The following TRIM42 variants were observed in gnomAD, a reference collection of about 807,000 sequenced individuals.
TRIM42 encodes tripartite motif containing 42, also known as tripartite motif-containing protein 42.
In TRIM42, 59 loss-of-function variants were observed where a neutral mutation model predicts 64.9. The observed-to-expected ratio is 0.91, with a 90% CI of 0.74 to 1.13. TRIM42 has a LOEUF of 1.13. Ranked by LOEUF, TRIM42 falls within the 50% of genes most tolerant of loss-of-function variation. The probability of loss-of-function intolerance (pLI) is 0.00; values close to 1 mark genes in which losing one functional copy is unlikely to be tolerated. For missense variants in TRIM42, 878 were observed against 929.5 expected, an observed-to-expected ratio of 0.94 and a Z score of 0.72; for synonymous variants, 354 against 346.3, an observed-to-expected ratio of 1.02 and a Z score of -0.25.
rs533384109 is a variant in TRIM42 at position 140,686,258 on chromosome 3, T to A, written c.1040-1464T>A. Among the ~76,000 whole-genome samples, 8 of 152,300 alleles carry A rather than the reference T, an allele frequency of 5.3e-5. No homozygotes were observed. In the East Asian group the frequency reaches 1.5e-3, roughly 29 times the overall value. Reference sequence around the variant, plus strand: ...CAAAGTAGAATTCTGGCTGCCACAGTCACAGTGCATTGGGGAAGGCAAGAA... The same window carrying A: ...CAAAGTAGAATTCTGGCTGCCACAGACACAGTGCATTGGGGAAGGCAAGAA... On this transcript the variant is annotated intron_variant, in intron 2 of 4. Transcript: ENST00000286349.
At chr3:140,680,237 C>T (rs139822499) in intron 1 of TRIM42, among the ~76,000 whole-genome samples, 9 of 152,132 alleles carry the variant, frequency 5.9e-5, no homozygotes, top group African/African-American at 9.6e-5. Flanking sequence ...GTTAGGAGGT[C>T]GGCTCTGGGT....
chr3:140,700,885 C>T lies in TRIM42; in HGVS notation c.2086-3C>T. The T allele has an allele frequency of 6.2e-7, 1 of 1,613,902 alleles. No individual in the cohort carries two copies. The highest frequency in any genetic ancestry group is 1.1e-5 in the South Asian group (1 of 91,062). On this transcript the variant is annotated splice_polypyrimidine_tract_variant and splice_region_variant and intron_variant, in intron 4 of 4. Transcript: ENST00000286349. ...TGTCATGACTCTTCGCTTCTGATTG[C>T]AGGTGGTAACACCAGATGGACATGG... is the stretch of plus-strand genomic sequence containing the variant.
At chr3:140,685,589 C>T (rs954617156) in intron 2 of TRIM42, among the ~76,000 whole-genome samples, 1 of 152,194 alleles carries the variant, frequency 6.6e-6, no homozygotes, top group African/African-American at 2.4e-5. Flanking sequence ...TCACTGAAAA[C>T]TGCCTCACCT....
intron 4 of TRIM42, 47 bp downstream of exon 4, chr3:140,691,239 G>A: frequency 6.6e-7 from 1 of 1,504,182 alleles, no homozygotes. Context: ...TCTATGGTAG[G>A]TTCTGGATGA....
At chr3:140,695,448 T>C (rs1437576776) in intron 4 of TRIM42, among the ~76,000 whole-genome samples, 1 of 152,072 alleles carries the variant, frequency 6.6e-6, no homozygotes, top group Non-Finnish European at 1.5e-5. Flanking sequence ...TAGTTACAAA[T>C]TGGTAATTTT....
chr3:140,682,485 G>A lies in TRIM42; in HGVS notation c.365G>A (p.Gly122Glu). The A allele has an allele frequency of 3.7e-6, 6 of 1,613,956 alleles. No individual in the cohort carries two copies. The highest frequency in any genetic ancestry group is 4.2e-6 in the Non-Finnish European group (5 of 1,179,916). Reference sequence around the variant, plus strand: ...AGCTCCAAGACTGCCCTGCGCACTGGGAGCAGCGATACCCAGGTGGATGAA... The same window carrying A: ...AGCTCCAAGACTGCCCTGCGCACTGAGAGCAGCGATACCCAGGTGGATGAA... ...HTSSKTALRT[G>E]SSDTQVDEVK... Residue 122 changes from glycine to glutamate, a missense_variant, in exon 2 of 5, where the codon GGG becomes GAG. Coordinates refer to ENST00000286349, the MANE Select transcript of TRIM42 (RefSeq NM_152616.5).
At chr3:140,698,112 A>G (rs903400815) in intron 4 of TRIM42, among the ~76,000 whole-genome samples, 2 of 152,160 alleles carry the variant, frequency 1.3e-5, no homozygotes, top group African/African-American at 4.8e-5. Context: ...TTTGAACCTC[A>G]GCTTTCTGCC....
chr3:140,701,026 C>T lies in TRIM42; in HGVS notation c.*52C>T, dbSNP rs774563732. The T allele has an allele frequency of 3.4e-6, 5 of 1,466,104 alleles. No individual in the cohort carries two copies. The highest frequency in any genetic ancestry group is 2.3e-5 in the East Asian group (1 of 43,840). 90.8% of individuals were successfully genotyped at this position (1,466,104 alleles called of 1,614,324 possible). A position where few individuals can be genotyped will look rare whatever the true frequency, so the allele number is the denominator to read the frequency against. ...AGACTCATCACAAAGTAGACATATA[C>T]ACACACATATATGTATGTATATTTT... On this transcript the variant is annotated 3_prime_UTR_variant, in exon 5 of 5. Transcript: ENST00000286349.
rs535746434 is a variant in TRIM42 at position 140,690,841 on chromosome 3, C to G, written c.1861-127C>G. 1.3e-5 allele frequency: 9 copies of G among 689,604 alleles called. No homozygotes were observed. In the African/African-American group the frequency reaches 1.6e-4, roughly 12 times the overall value. 42.7% of individuals were successfully genotyped at this position (689,604 alleles called of 1,614,324 possible). A position where few individuals can be genotyped will look rare whatever the true frequency, so the allele number is the denominator to read the frequency against. On this transcript the variant is annotated intron_variant, in intron 3 of 4. Transcript: ENST00000286349. ...TGTGCATGGTCTAATTAAAAGTCTT[C>G]GGTAGCTACAGGGGATGGGGTCAGC... is the stretch of plus-strand genomic sequence containing the variant.
intron 2 of TRIM42, among the ~76,000 whole-genome samples, chr3:140,685,791 T>C (rs1345943394): frequency 6.6e-6 from 1 of 152,156 alleles, no homozygotes; most frequent in Non-Finnish European, 1.5e-5. Context: ...GTTTCTCCCA[T>C]TTACCTGATG....
intron 3 of TRIM42, among the ~76,000 whole-genome samples, chr3:140,690,446 T>A (rs1483776773): frequency 6.7e-6 from 1 of 149,820 alleles, no homozygotes; most frequent in Non-Finnish European, 1.5e-5. Flanking sequence ...AAGATGGTAG[T>A]TTACTGAATT....
chr3:140,700,614 G>C (rs997828834), intron 4 of TRIM42, among the ~76,000 whole-genome samples: 4 of 152,202 alleles, frequency 2.6e-5, no homozygotes, highest in Admixed American at 6.5e-5. Flanking sequence ...CCCCATCACT[G>C]TCATCAGCAC....
chr3:140,692,321 A>G (rs1413062624), intron 4 of TRIM42, among the ~76,000 whole-genome samples: 2 of 152,158 alleles, frequency 1.3e-5, no homozygotes, highest in South Asian at 2.1e-4. Context: ...CATCTGACCA[A>G]CCATACTCTG....
intron 1 of TRIM42, among the ~76,000 whole-genome samples, chr3:140,679,252 T>C (rs977433508): frequency 6.6e-6 from 1 of 152,190 alleles, no homozygotes; most frequent in Admixed American, 6.5e-5. Context: ...GAACTCCTAC[T>C]ACCTTCTTTT....
chr3:140,699,093 G>T (rs1988929885), intron 4 of TRIM42, among the ~76,000 whole-genome samples: 1 of 152,048 alleles, frequency 6.6e-6, no homozygotes, highest in Non-Finnish European at 1.5e-5. Flanking sequence ...GTAATTACAT[G>T]ATTTTTCTCC....
chr3:140,691,502 T>C (rs181356013), intron 4 of TRIM42, among the ~76,000 whole-genome samples: 10 of 152,292 alleles, frequency 6.6e-5, no homozygotes, highest in Admixed American at 6.5e-4. Flanking sequence ...CAAATAATTG[T>C]TGTGTGAGAA....
In TRIM42 at chr3:140,683,057, T is replaced by C. The variant is rs1988455455; in HGVS notation, c.937T>C (p.Cys313Arg). Residue 313 changes from cysteine (C) to arginine (R), a missense_variant, in exon 2 of 5, where the codon TGC (cysteine) becomes CGC (arginine). Coordinates refer to ENST00000286349, the MANE Select transcript of TRIM42 (RefSeq NM_152616.5). ...TGACAACAAATTGCTCTGCACCTTC[T>C]GCAAGTTCTCTTTCCACAATGGCCA... ...RNDNKLLCTF[C>R]KFSFHNGHDT... is the part of the protein sequence containing the mutation. 1 of 1,614,250 alleles carries C rather than the reference T, an allele frequency of 6.2e-7. No individual in the cohort carries two copies. Among genetic ancestry groups the C allele is most frequent in the African/African-American group, 1.3e-5 (1 of 75,056 alleles).
At chr3:140,679,608 A>G (rs1399688000) in intron 1 of TRIM42, among the ~76,000 whole-genome samples, 1 of 152,166 alleles carries the variant, frequency 6.6e-6, no homozygotes, top group South Asian at 2.1e-4. Context: ...CTCTCCACCC[A>G]TGACCCTCTC....
Position 140,688,559 on chromosome 3 carries a change from G to T in TRIM42, c.1860+17G>T, listed in dbSNP as rs147705424. The T allele has an allele frequency of 1.4e-4, 219 of 1,582,988 alleles. No homozygotes were observed. The East Asian group carries it at 4.8e-3, about 35-fold the overall frequency. On this transcript the variant is annotated intron_variant, in intron 3 of 4. Transcript: ENST00000286349. ...GCTGCCAAGGTAAGAAAGGTTCTGGGCCCAGTGGGGAAGTGGGAGGGTGTG... is the reference window on the plus strand; with the variant it reads ...GCTGCCAAGGTAAGAAAGGTTCTGGTCCCAGTGGGGAAGTGGGAGGGTGTG...
Sources: gnomAD v4.1 joint callset for allele counts (sites outside exome capture counted in the v4.1 genomes callset) on GRCh38, gnomAD v4.1.1 for gene constraint, MANE v1.5 for transcripts, NCBI Gene and HGNC (gene_info 2026-07-23, HGNC 2026-07-21) for gene names.